Variants in FRMD4A observed in about 807,000 individuals in gnomAD.
FRMD4A encodes FERM domain-containing protein 4A.
Under a neutral mutation model 129.1 loss-of-function variants are expected in FRMD4A, and 29 were observed. That is an observed-to-expected ratio of 0.22 (90% CI 0.17 to 0.31). The LOEUF (loss-of-function observed/expected upper bound fraction) is 0.31. Ranked by LOEUF, FRMD4A falls within the 10% of genes least tolerant of loss-of-function variation. The pLI, the probability that FRMD4A is intolerant of heterozygous loss-of-function variation, is 1.00. For synonymous variants in FRMD4A, 634 were observed against 571.6 expected (o/e 1.11, Z -1.56); for missense variants, 1,272 against 1,375.8 (o/e 0.92, Z 1.19).
At chr10:14,132,797 T>C (rs527543987) in intron 2 of FRMD4A, among the ~76,000 whole-genome samples, 4 of 152,372 alleles carry the variant, frequency 2.6e-5, no homozygotes, top group African/African-American at 9.6e-5. Context: ...TGGGAAGCTC[T>C]GCCCTCTGGG....
intron 22 of FRMD4A, 83 bp from the exon 23 acceptor site, chr10:13,654,595 C>T: frequency 1.2e-6 from 1 of 840,708 alleles, no homozygotes; most frequent in Non-Finnish European, 2.0e-6. Flanking sequence ...TTGGCTGACA[C>T]CAACCCAGTG....
At chr10:13,940,815 G>T (rs144852629) in intron 2 of FRMD4A, among the ~76,000 whole-genome samples, 45 of 152,240 alleles carry the variant, frequency 3.0e-4, no homozygotes, top group African/African-American at 9.2e-4. Flanking sequence ...TTCATGGAAG[G>T]TTACAGCTCA....
Position 14,288,885 on chromosome 10 carries a change from C to A in FRMD4A, c.45+41173G>T, listed in dbSNP as rs527529767. Among the ~76,000 whole-genome samples, 135 of 152,280 alleles carry A rather than the reference C, an allele frequency of 8.9e-4. 1 individual carries two copies. Among genetic ancestry groups the A allele is most frequent in the African/African-American group, 3.0e-3 (125 of 41,558 alleles). On this transcript the variant is annotated intron_variant, in intron 2 of 24. Coordinates refer to ENST00000357447, the MANE Select transcript of FRMD4A (RefSeq NM_018027.5). ...ATGTAATCATGCAGCATTTGTCCTT[C>A]TATGCATGGCTTATTTCACTTAACA...
At chr10:14,087,627 G>A (rs1383169851) in intron 2 of FRMD4A, 25 of 152,142 alleles carry the variant, frequency 1.6e-4, no homozygotes. Context: ...GGATGAGAGT[G>A]GAAACCCAGC....
chr10:13,843,236 T>C (rs1356101099), intron 3 of FRMD4A, among the ~76,000 whole-genome samples: 3 of 152,076 alleles, frequency 2.0e-5, no homozygotes, highest in African/African-American at 7.2e-5. Flanking sequence ...CTCAGTATAT[T>C]GGGGGTGCCG....
chr10:13,917,576 C>A (rs2095023953), intron 2 of FRMD4A, among the ~76,000 whole-genome samples: 1 of 152,200 alleles, frequency 6.6e-6, no homozygotes, highest in East Asian at 1.9e-4. Context: ...AGGTGTGAGT[C>A]ACCATGCCCG....
intron 15 of FRMD4A, among the ~76,000 whole-genome samples, chr10:13,691,981 CA>C (rs1453108434): frequency 6.6e-6 from 1 of 152,048 alleles, no homozygotes; most frequent in Non-Finnish European, 1.5e-5. Context: ...TCTTCATGGC[CA>C]ACTCCCAAGC....
At chr10:14,113,739 A>G (rs1838049517) in intron 2 of FRMD4A, among the ~76,000 whole-genome samples, 1 of 152,180 alleles carries the variant, frequency 6.6e-6, no homozygotes, top group African/African-American at 2.4e-5. Context: ...GTCAAAGGCT[A>G]TTGTAAAGCC....
At position 13,857,438 on chromosome 10, in the gene FRMD4A, G is replaced by T. The variant is rs1283092093; in HGVS notation, c.111+1409C>A. Among the ~76,000 whole-genome samples, 3 of 152,146 alleles carry T rather than the reference G, an allele frequency of 2.0e-5. 1 individual carries two copies. The highest frequency in any genetic ancestry group is 3.8e-4 in the East Asian group (2 of 5,202). ...ATATAAATATGAAAAATGCTGGAAAGAAATCCACCAAAAAGGGAACAACAC... is the reference window on the plus strand; with the variant it reads ...ATATAAATATGAAAAATGCTGGAAATAAATCCACCAAAAAGGGAACAACAC... On this transcript the variant is annotated intron_variant, in intron 3 of 24. Coordinates refer to ENST00000357447, the MANE Select transcript of FRMD4A (RefSeq NM_018027.5).
intron 2 of FRMD4A, among the ~76,000 whole-genome samples, chr10:14,221,218 C>T (rs915000853): frequency 1.3e-5 from 2 of 152,096 alleles, no homozygotes; most frequent in African/African-American, 4.8e-5. Flanking sequence ...GCCCTGAGGC[C>T]CCTTAACTTT....
In FRMD4A at chr10:13,826,098, T is replaced by C. The variant is rs558922389; in HGVS notation, c.112-15190A>G. Among the ~76,000 whole-genome samples the C allele has an allele frequency of 2.3e-4, 35 of 152,358 alleles. No homozygotes were observed. In the South Asian group the frequency reaches 2.7e-3, roughly 12 times the overall value. ...AACAATAACCTCTACCTCCCAAAGCTGTCACGAGGACTCAATAAATGATCA... is the reference window on the plus strand; with the variant it reads ...AACAATAACCTCTACCTCCCAAAGCCGTCACGAGGACTCAATAAATGATCA... On this transcript the variant is annotated intron_variant, in intron 3 of 24. Coordinates refer to ENST00000357447, the MANE Select transcript of FRMD4A (RefSeq NM_018027.5).
chr10:13,811,005 T>A (rs542025523), intron 3 of FRMD4A, 97 bp from the exon 4 acceptor site: 1 of 636,204 alleles, frequency 1.6e-6, no homozygotes, highest in Non-Finnish European at 2.8e-6. Flanking sequence ...CAATGAAATG[T>A]CACAAAGCTC....
chr10:13,745,183 T>G (rs1055795621), intron 9 of FRMD4A, among the ~76,000 whole-genome samples: 2 of 152,202 alleles, frequency 1.3e-5, no homozygotes, highest in African/African-American at 4.8e-5. Flanking sequence ...GTGAAAAATA[T>G]GTACAACTAT....
chr10:13,797,615 C>G (rs555557792), intron 4 of FRMD4A, among the ~76,000 whole-genome samples: 1 of 152,164 alleles, frequency 6.6e-6, no homozygotes, highest in Non-Finnish European at 1.5e-5. Flanking sequence ...TCTTTCCTTT[C>G]CCTCCTCTCT....
intron 5 of FRMD4A, among the ~76,000 whole-genome samples, chr10:13,795,920 C>T (rs187441176): frequency 6.1e-4 from 93 of 152,260 alleles, no homozygotes; most frequent in Non-Finnish European, 1.1e-3. Context: ...AAATCGTTCC[C>T]TTTGCAAGCA....
At position 14,153,605 on chromosome 10, in the gene FRMD4A, G is replaced by C. The variant is rs143007846; in HGVS notation, c.45+176453C>G. Among the ~76,000 whole-genome samples the C allele has an allele frequency of 3.3e-5, 5 of 152,232 alleles. No individual in the cohort carries two copies. The East Asian group carries it at 9.7e-4, about 29-fold the overall frequency. On this transcript the variant is annotated intron_variant, in intron 2 of 24. Transcript: ENST00000357447. Reference sequence around the variant, plus strand: ...AGTCATATACAGACGGTCACTCCTAGCATGAGTTATCTGAGAGGAGTGAAG... The same window carrying C: ...AGTCATATACAGACGGTCACTCCTACCATGAGTTATCTGAGAGGAGTGAAG...
chr10:14,198,741 T>C (rs566990651), intron 2 of FRMD4A, among the ~76,000 whole-genome samples: 1 of 152,202 alleles, frequency 6.6e-6, no homozygotes, highest in African/African-American at 2.4e-5. Flanking sequence ...CCACGGTGCG[T>C]TATCTTATAG....
At chr10:13,726,042 C>T (rs1005279623) in intron 12 of FRMD4A, among the ~76,000 whole-genome samples, 17 of 152,184 alleles carry the variant, frequency 1.1e-4, no homozygotes, top group Admixed American at 7.2e-4. Flanking sequence ...AGTGAGTTAG[C>T]GCCAAAATTC....
intron 2 of FRMD4A, among the ~76,000 whole-genome samples, chr10:13,884,872 T>C (rs2094600084): frequency 6.6e-6 from 1 of 152,212 alleles, no homozygotes; most frequent in South Asian, 2.1e-4. Flanking sequence ...AGAGCTAACA[T>C]TTGTCCACGT....
Sources: gnomAD v4.1 joint callset for allele counts (sites outside exome capture counted in the v4.1 genomes callset) on GRCh38, gnomAD v4.1.1 for gene constraint, MANE v1.5 for transcripts, NCBI Gene and HGNC (gene_info 2026-07-23, HGNC 2026-07-21) for gene names.